The following NTM variants were observed in gnomAD, a reference collection of about 807,000 sequenced individuals.
NTM encodes the protein neurotrimin, also known as IgLON family member 2.
In NTM, 13 loss-of-function variants were observed where a neutral mutation model predicts 42.1. That is an observed-to-expected ratio of 0.31 (90% CI 0.20 to 0.49). The LOEUF (loss-of-function observed/expected upper bound fraction) is 0.49, where lower values mean the gene tolerates loss of function less well. Among genes scored for constraint, NTM ranks in the 20% least tolerant of loss-of-function variants. NTM has a pLI of 0.99. For missense variants in NTM, 373 were observed against 452.8 expected (o/e 0.82, Z 1.60); for synonymous variants, 187 against 179.2 (o/e 1.04, Z -0.35).
chr11:132,311,137 G>A (rs151026199), intron 6 of NTM, among the ~76,000 whole-genome samples: 12 of 152,302 alleles, frequency 7.9e-5, no homozygotes, highest in Middle Eastern at 3.4e-3. Context: ...ATGAGAAACT[G>A]CAGGCCAGGA....
intron 3 of NTM, among the ~76,000 whole-genome samples, chr11:132,194,473 G>A (rs987092435): frequency 6.6e-6 from 1 of 152,052 alleles, no homozygotes; most frequent in Admixed American, 6.6e-5. Context: ...GCCTCAAAAT[G>A]ATAAGAGACA....
intron 1 of NTM, among the ~76,000 whole-genome samples, chr11:131,705,199 A>G (rs2076474202): frequency 6.6e-6 from 1 of 152,232 alleles, no homozygotes; most frequent in Non-Finnish European, 1.5e-5. Flanking sequence ...GAAAAAATCA[A>G]AAACCTAGAA....
At chr11:131,767,065 CTG>C in intron 1 of NTM, 4 of 644,652 alleles carry the variant, frequency 6.2e-6, no homozygotes, top group African/African-American at 2.0e-5. Context: ...AGTCATCTCT[CTG>C]TGTGTGTCTG....
chr11:131,666,370 C>T (rs2069049145), intron 1 of NTM, among the ~76,000 whole-genome samples: 1 of 152,214 alleles, frequency 6.6e-6, no homozygotes, highest in Admixed American at 6.5e-5. Context: ...CAGTTACAAA[C>T]AGCTACGGCC....
chr11:131,841,747 G>A (rs1050731034), intron 1 of NTM, among the ~76,000 whole-genome samples: 3 of 152,166 alleles, frequency 2.0e-5, no homozygotes, highest in East Asian at 1.9e-4. Flanking sequence ...CCACGAGGAA[G>A]AGCCCCCTGA....
intron 1 of NTM, among the ~76,000 whole-genome samples, chr11:131,788,685 G>T (rs2089664870): frequency 6.6e-6 from 1 of 151,966 alleles, no homozygotes. Flanking sequence ...GTAATATTTG[G>T]GAAATGTTTC....
Position 132,336,766 on chromosome 11 carries a change from C to T in NTM, c.*1620C>T, listed in dbSNP as rs1467665725. 3 of 140,966 alleles carry T rather than the reference C, an allele frequency of 2.1e-5. No homozygotes were observed. Among genetic ancestry groups the T allele is most frequent in the Non-Finnish European group, 4.6e-5 (3 of 64,678 alleles). 8.7% of individuals were successfully genotyped at this position (140,966 alleles called of 1,614,324 possible). ...TGAGGGAAAGGGGGATTGGGGGATCCGGGAGGGTGGGGTTGTCTCTGACTT... is the reference window on the plus strand; with the variant it reads ...TGAGGGAAAGGGGGATTGGGGGATCTGGGAGGGTGGGGTTGTCTCTGACTT... On this transcript the variant is annotated 3_prime_UTR_variant, in exon 9 of 9. Transcript: ENST00000683400.
At chr11:132,180,758 G>A (rs1288172501) in intron 3 of NTM, among the ~76,000 whole-genome samples, 4 of 152,000 alleles carry the variant, frequency 2.6e-5, no homozygotes, top group African/African-American at 9.7e-5. Flanking sequence ...TGGTGGTTCA[G>A]CTCACCACCT....
At chr11:132,262,425 CA>C (rs1307736556) in intron 4 of NTM, among the ~76,000 whole-genome samples, 3 of 152,306 alleles carry the variant, frequency 2.0e-5, no homozygotes, top group Admixed American at 6.5e-5. Flanking sequence ...AAACAACAGA[CA>C]TTTACTTCTC....
At chr11:131,512,367 G>C (rs1472935197) in intron 1 of NTM, among the ~76,000 whole-genome samples, 1 of 152,180 alleles carries the variant, frequency 6.6e-6, no homozygotes, top group Non-Finnish European at 1.5e-5. Context: ...GACCACGTCT[G>C]CTCCCCTTGC....
intron 4 of NTM, among the ~76,000 whole-genome samples, chr11:132,236,376 A>G (rs1229088842): frequency 1.3e-5 from 2 of 152,290 alleles, no homozygotes; most frequent in East Asian, 3.9e-4. Flanking sequence ...TTAGAAGGAA[A>G]ACAGCACTGG....
intron 2 of NTM, among the ~76,000 whole-genome samples, chr11:132,122,584 T>G (rs75338182): frequency 0.028 from 4,257 of 152,278 alleles, 80 homozygotes; most frequent in Middle Eastern, 0.11. Context: ...GACACTTGTC[T>G]GATAAAAGTG....
chr11:131,702,422 TC>T (rs2076168786), intron 1 of NTM, among the ~76,000 whole-genome samples: 2 of 152,282 alleles, frequency 1.3e-5, no homozygotes, highest in South Asian at 4.1e-4. Context: ...AATAACTCCA[TC>T]TTACAGATAA....
At chr11:131,594,250 G>A (rs1315523278) in intron 1 of NTM, among the ~76,000 whole-genome samples, 1 of 152,176 alleles carries the variant, frequency 6.6e-6, no homozygotes, top group Non-Finnish European at 1.5e-5. Context: ...GCTAAGTCCT[G>A]TAGATTTTTT....
Position 132,082,464 on chromosome 11 carries a change from AATC to A in NTM, c.168-63816_168-63814del, listed in dbSNP as rs376964166. ...CATGCAGGTCCTTAGTCTTCTAAAA[AATC>A]AATGCGTACTCCATATTGATTTATT... On this transcript the variant is annotated intron_variant, in intron 2 of 8. Transcript: ENST00000683400. 5.5e-3 allele frequency among the ~76,000 whole-genome samples: 832 copies of A among 152,282 alleles called. 13 individuals are homozygous for A. Among genetic ancestry groups the A allele is most frequent in the South Asian group, 5.4e-3 (26 of 4,824 alleles).
In NTM at chr11:131,842,474, T is replaced by C. The variant is rs114876331; in HGVS notation, c.83-69090T>C. Among the ~76,000 whole-genome samples the C allele has an allele frequency of 4.3e-3, 658 of 152,234 alleles. 7 individuals are homozygous for C. The highest frequency in any genetic ancestry group is 0.015 in the African/African-American group (611 of 41,538). On this transcript the variant is annotated intron_variant, in intron 1 of 8. Transcript: ENST00000683400. ...TATTAAGAAAATGTGGTGTGGTAAA[T>C]AGAGCATCGAGAGGCAGTAGTCTCC... is the stretch of plus-strand genomic sequence containing the variant.
intron 1 of NTM, among the ~76,000 whole-genome samples, chr11:131,520,973 G>A (rs1180713521): frequency 6.6e-6 from 1 of 152,118 alleles, no homozygotes; most frequent in African/African-American, 2.4e-5. Flanking sequence ...TGATGGAAGG[G>A]GAAGGGAAAC....
intron 2 of NTM, among the ~76,000 whole-genome samples, chr11:131,933,207 T>C (rs2058826831): frequency 6.6e-6 from 1 of 152,194 alleles, no homozygotes; most frequent in Non-Finnish European, 1.5e-5. Flanking sequence ...GCCAATTGGC[T>C]CCTGGTCCTG....
chr11:131,467,098 A>G (rs1349393170), intron 1 of NTM, among the ~76,000 whole-genome samples: 1 of 152,222 alleles, frequency 6.6e-6, no homozygotes, highest in Non-Finnish European at 1.5e-5. Flanking sequence ...ATGAATGACA[A>G]TGTTTTTAAA....
Sources: gnomAD v4.1 joint callset for allele counts (sites outside exome capture counted in the v4.1 genomes callset) on GRCh38, gnomAD v4.1.1 for gene constraint, MANE v1.5 for transcripts, NCBI Gene and HGNC (gene_info 2026-07-23, HGNC 2026-07-21) for gene names.